KHDRBS2: variants seen among roughly 807,000 people sequenced by gnomAD.
The protein encoded by KHDRBS2 is KH domain-containing, RNA-binding, signal transduction-associated protein 2.
In KHDRBS2, 26 loss-of-function variants were observed where a neutral mutation model predicts 44.3. The ratio of observed to expected loss-of-function variants is 0.59; its 90% CI spans 0.43 to 0.81. The LOEUF (loss-of-function observed/expected upper bound fraction) is 0.81, where lower values mean the gene tolerates loss of function less well. Ranked by LOEUF, KHDRBS2 falls within the 40% of genes least tolerant of loss-of-function variation. The probability of loss-of-function intolerance (pLI) is 0.00; values close to 1 mark genes in which losing one functional copy is unlikely to be tolerated. For synonymous variants in KHDRBS2, 194 were observed against 151.1 expected (o/e 1.28, Z -2.08); for missense variants, 476 against 433.1 (o/e 1.10, Z -0.88).
chr6:61,674,890 AC>A, the KHDRBS2 span, among the ~76,000 whole-genome samples: 1 of 151,762 alleles, frequency 6.6e-6, no homozygotes, highest in Non-Finnish European at 1.5e-5. Context: ...ATAAGGAGTA[AC>A]ATTTTAAAAT....
At chr6:61,606,339 A>T in the KHDRBS2 span, among the ~76,000 whole-genome samples, 1 of 152,164 alleles carries the variant, frequency 6.6e-6, no homozygotes, top group African/African-American at 2.4e-5. Context: ...CAGCTTCCAG[A>T]AGAGCAGAGT....
At chr6:61,546,094 A>G in the KHDRBS2 span, among the ~76,000 whole-genome samples, 1 of 152,092 alleles carries the variant, frequency 6.6e-6, no homozygotes, top group Non-Finnish European at 1.5e-5. Context: ...GTAAAGATAT[A>G]TGACATTAAA....
At chr6:61,820,465 T>G (rs1789720264) in intron 6 of KHDRBS2, among the ~76,000 whole-genome samples, 1 of 151,988 alleles carries the variant, frequency 6.6e-6, no homozygotes, top group Admixed American at 6.6e-5. Flanking sequence ...CAAGAAAAGA[T>G]AGGTTTGACA....
At chr6:61,799,670 T>A (rs1785948077) in intron 6 of KHDRBS2, among the ~76,000 whole-genome samples, 2 of 151,826 alleles carry the variant, frequency 1.3e-5, no homozygotes, top group Admixed American at 1.3e-4. Context: ...CATAGTGTTA[T>A]ATATATATAA....
Position 62,181,344 on chromosome 6 carries a change from A to T in KHDRBS2, c.92-4032T>A, listed in dbSNP as rs143187752. The stretch of plus-strand genomic sequence containing the variant: ...AATACATAAGGAACTCCTACAACTT[A>T]ATAGCAAGAAACCAAATAATGAATT... On this transcript the variant is annotated intron_variant, in intron 1 of 8. Coordinates refer to ENST00000281156, the MANE Select transcript of KHDRBS2 (RefSeq NM_152688.4). 3.3e-5 allele frequency among the ~76,000 whole-genome samples: 5 copies of T among 152,100 alleles called. No individual in the cohort carries two copies. The East Asian group carries it at 9.7e-4, about 29-fold the overall frequency.
intron 3 of KHDRBS2, among the ~76,000 whole-genome samples, chr6:62,002,202 C>T (rs1216760332): frequency 1.3e-5 from 2 of 151,674 alleles, no homozygotes; most frequent in Non-Finnish European, 2.9e-5. Context: ...AAAAAAAATT[C>T]CACCAAAGGT....
intron 4 of KHDRBS2, among the ~76,000 whole-genome samples, chr6:61,903,867 T>G (rs753497447): frequency 6.6e-6 from 1 of 152,164 alleles, no homozygotes; most frequent in Non-Finnish European, 1.5e-5. Context: ...TGCCATCATG[T>G]CCGAGCACCC....
intron 4 of KHDRBS2, among the ~76,000 whole-genome samples, chr6:61,942,507 T>C (rs754276186): frequency 2.0e-5 from 3 of 151,984 alleles, no homozygotes; most frequent in Non-Finnish European, 2.9e-5. Context: ...TGAAGACAGA[T>C]CTTTTGAAAT....
At chr6:61,756,122 T>C (rs1260219147) in intron 6 of KHDRBS2, among the ~76,000 whole-genome samples, 1 of 152,170 alleles carries the variant, frequency 6.6e-6, no homozygotes, top group Non-Finnish European at 1.5e-5. Context: ...CAGTGACACA[T>C]TTTCTAAACC....
intron 6 of KHDRBS2, among the ~76,000 whole-genome samples, chr6:61,869,981 T>TTGTTTTTTTTG (rs1554252310): frequency 6.1e-5 from 9 of 147,156 alleles, no homozygotes; most frequent in African/African-American, 1.0e-4. Flanking sequence ...TTTTTTTTTT[T>TTGTTTTTTTTG]TTTTTTCCCC....
In KHDRBS2 at chr6:62,161,267, G is replaced by A. The variant is rs549744950; in HGVS notation, c.219+15918C>T. ...CGCTTTTGATTGGAGAGTTTAAACT[G>A]TTTACATTTAAAGTAATTACAGTTG... is the stretch of plus-strand genomic sequence containing the variant. On this transcript the variant is annotated intron_variant, in intron 2 of 8. Transcript: ENST00000281156. 5.3e-5 allele frequency among the ~76,000 whole-genome samples: 8 copies of A among 151,572 alleles called. No homozygotes were observed. In the East Asian group the frequency reaches 1.6e-3, roughly 29 times the overall value.
chr6:61,986,837 C>T (rs1775139751), intron 3 of KHDRBS2, among the ~76,000 whole-genome samples: 2 of 152,122 alleles, frequency 1.3e-5, no homozygotes, highest in Admixed American at 1.3e-4. Context: ...TGGGGGACTC[C>T]ACCCTTATGA....
At chr6:61,688,464 A>C (rs1375891305) in intron 8 of KHDRBS2, among the ~76,000 whole-genome samples, 1 of 151,924 alleles carries the variant, frequency 6.6e-6, no homozygotes, top group Non-Finnish European at 1.5e-5. Context: ...AGGGAGAATA[A>C]AAATGGTGGT....
chr6:61,966,698 C>T (rs912487837), intron 4 of KHDRBS2, among the ~76,000 whole-genome samples: 2 of 152,036 alleles, frequency 1.3e-5, no homozygotes, highest in Non-Finnish European at 2.9e-5. Flanking sequence ...TAACTTCTAA[C>T]TGTAACTTTA....
At chr6:62,151,934 G>A (rs928435988) in intron 2 of KHDRBS2, among the ~76,000 whole-genome samples, 7 of 152,116 alleles carry the variant, frequency 4.6e-5, no homozygotes, top group African/African-American at 1.7e-4. Context: ...GATTGCCTGG[G>A]TTTAAGAACC....
the KHDRBS2 span, among the ~76,000 whole-genome samples, chr6:61,645,425 G>A: frequency 4.0e-5 from 6 of 150,398 alleles, no homozygotes; most frequent in Admixed American, 3.3e-4. Context: ...TGAGATGAAT[G>A]TACCTACATA....
At chr6:61,763,542 T>G (rs1225787286) in intron 6 of KHDRBS2, among the ~76,000 whole-genome samples, 1 of 152,126 alleles carries the variant, frequency 6.6e-6, no homozygotes, top group African/African-American at 2.4e-5. Flanking sequence ...TGGAGAGCAT[T>G]AGGAATCAAA....
chr6:62,210,174 C>T (rs571021307), intron 1 of KHDRBS2, among the ~76,000 whole-genome samples: 4 of 152,140 alleles, frequency 2.6e-5, no homozygotes, highest in South Asian at 2.1e-4. Flanking sequence ...AAGAATCTCA[C>T]GACCACCTAT....
chr6:61,772,609 C>T (rs570936893), intron 6 of KHDRBS2, among the ~76,000 whole-genome samples: 1 of 151,906 alleles, frequency 6.6e-6, no homozygotes, highest in Non-Finnish European at 1.5e-5. Context: ...CAAGACTAAA[C>T]CAGGAAGAAG....
Sources: gnomAD v4.1 joint callset for allele counts (sites outside exome capture counted in the v4.1 genomes callset) on GRCh38, gnomAD v4.1.1 for gene constraint, MANE v1.5 for transcripts, NCBI Gene and HGNC (gene_info 2026-07-23, HGNC 2026-07-21) for gene names.